The following ZNF181 variants were observed in gnomAD, a reference collection of about 807,000 sequenced individuals.
The protein encoded by ZNF181 is zinc finger protein 181 (HHZ181).
In ZNF181, 8 loss-of-function variants were observed where a neutral mutation model predicts 11.9. The ratio of observed to expected loss-of-function variants is 0.67; its 90% CI spans 0.39 to 1.21. ZNF181 has a LOEUF of 1.21. Among genes scored for constraint, ZNF181 ranks in the 50% most tolerant of loss-of-function variants. ZNF181 has a pLI of 0.01. For synonymous variants in ZNF181, 202 were observed against 221.1 expected, an observed-to-expected ratio of 0.91 and a Z score of 0.77; for missense variants, 542 against 670.9, an observed-to-expected ratio of 0.81 and a Z score of 2.12.
At position 34,741,003 on chromosome 19, in the gene ZNF181, A is replaced by C. The variant is rs1469264821; in HGVS notation, c.622A>C (p.Lys208Gln). The part of the protein sequence containing the change: ...IKNEKVNGGK[K>Q]LLNSNKSGAA... ...AAATGAGAAAGTCAATGGTGGAAAGAAACTTTTGAATTCTAATAAAAGTGG... is the reference window on the plus strand; with the variant it reads ...AAATGAGAAAGTCAATGGTGGAAAGCAACTTTTGAATTCTAATAAAAGTGG... The change falls in exon 4 of 4, where the codon AAA becomes CAA. Residue 208 changes from lysine (K) to glutamine (Q), a missense_variant. Lys to Gln is a moderately conservative substitution (Grantham distance 53). Coordinates refer to ENST00000492450, the MANE Select transcript of ZNF181 (RefSeq NM_001029997.4). 1.9e-6 allele frequency: 3 copies of C among 1,614,190 alleles called. No homozygotes were observed. The South Asian group carries it at 3.3e-5, about 18-fold the overall frequency.
chr19:34,742,343 C>A lies in ZNF181; in HGVS notation c.*246C>A. ...ACTCACACTAGGATAAAACCCTGTACATGTAGCAAATGTGGGAAAGACTAC... is the reference window on the plus strand; with the variant it reads ...ACTCACACTAGGATAAAACCCTGTAAATGTAGCAAATGTGGGAAAGACTAC... On this transcript the variant is annotated 3_prime_UTR_variant, in exon 4 of 4. Coordinates refer to ENST00000492450, the MANE Select transcript of ZNF181 (RefSeq NM_001029997.4). 2 of 274,034 alleles carry A rather than the reference C, an allele frequency of 7.3e-6. No individual in the cohort carries two copies. Among genetic ancestry groups the A allele is most frequent in the East Asian group, 6.3e-5 (1 of 15,806 alleles). 17.0% of individuals were successfully genotyped at this position (274,034 alleles called of 1,614,324 possible).
chr19:34,739,442 A>C, intron 2 of ZNF181, 81 bp from the exon 3 acceptor site: 2 of 1,588,750 alleles, frequency 1.3e-6, no homozygotes, highest in Non-Finnish European at 1.7e-6. Flanking sequence ...AATACCCTTC[A>C]TCCCTTCCTG....
Position 34,740,637 on chromosome 19 carries a change from G to A in ZNF181, c.256G>A (p.Glu86Lys), listed in dbSNP as rs2068954568. Residue 86 changes from glutamate (E) to lysine (K), a missense_variant, in exon 4 of 4, where the codon GAA becomes AAA. Transcript: ENST00000492450. ...PDWESRWENK[E>K]LSTKKDNYDE... ...TTGGGAATCAAGATGGGAAAACAAG[G>A]AATTATCAACAAAGAAGGATAATTA... is the stretch of plus-strand genomic sequence containing the variant. 1 of 1,571,756 alleles carries A rather than the reference G, an allele frequency of 6.4e-7. No individual in the cohort carries two copies. Among genetic ancestry groups the A allele is most frequent in the African/African-American group, 1.4e-5 (1 of 73,074 alleles).
At position 34,744,914 on chromosome 19, in the gene ZNF181, A is replaced by G. The variant is rs555118520; in HGVS notation, c.*2817A>G. On this transcript the variant is annotated 3_prime_UTR_variant, in exon 4 of 4. Coordinates refer to ENST00000492450, the MANE Select transcript of ZNF181 (RefSeq NM_001029997.4). ...TTGTTATGAGAGGATTCATCGAAAT[A>G]CCTGTGCTTTGTCATTTAAAAAGCA... 7.2e-5 allele frequency: 11 copies of G among 152,308 alleles called. No homozygotes were observed. Among genetic ancestry groups the G allele is most frequent in the African/African-American group, 2.4e-4 (10 of 41,558 alleles). The allele number at this position is 152,308 out of a possible 1,614,324, so 9.4% of individuals were successfully genotyped here. A position where few individuals can be genotyped will look rare whatever the true frequency, so the allele number is the denominator to read the frequency against.
chr19:34,736,271 G>C, intron 1 of ZNF181: 1 of 671,976 alleles, frequency 1.5e-6, no homozygotes, highest in South Asian at 1.6e-5. Context: ...AATTAGAATT[G>C]AAAAACTGGT....
rs1181945605 is a variant in ZNF181 at position 34,744,160 on chromosome 19, G to A, written c.*2063G>A. The A allele has an allele frequency of 1.3e-5, 2 of 152,190 alleles. No homozygotes were observed. Among genetic ancestry groups the A allele is most frequent in the East Asian group, 1.9e-4 (1 of 5,198 alleles). The allele number at this position is 152,190 out of a possible 1,614,324, so 9.4% of individuals were successfully genotyped here. ...TAAGGTTTCTGACTTTCAACAAAAT[G>A]TATCTCCTCTGATATATGTGCTACC... is the stretch of plus-strand genomic sequence containing the variant. On this transcript the variant is annotated 3_prime_UTR_variant, in exon 4 of 4. Coordinates refer to ENST00000492450, the MANE Select transcript of ZNF181 (RefSeq NM_001029997.4).
chr19:34,740,113 C>T (rs563704246), intron 3 of ZNF181, among the ~76,000 whole-genome samples: 2 of 152,292 alleles, frequency 1.3e-5, no homozygotes, highest in African/African-American at 4.8e-5. Flanking sequence ...TTCATAACTT[C>T]AGAAAGCCTA....
Position 34,734,937 on chromosome 19 carries a change from T to A in ZNF181, c.-101T>A, listed in dbSNP as rs1226735790. ...GCCGCAAGATAAGCCTGATTTTTCA[T>A]GACTGCTTTTTCCTGCCCTTCTGTG... On this transcript the variant is annotated 5_prime_UTR_variant, in exon 1 of 4. The change abolishes an upstream ATG in the 5' untranslated region. Coordinates refer to ENST00000492450, the MANE Select transcript of ZNF181 (RefSeq NM_001029997.4). 4.6e-6 allele frequency: 6 copies of A among 1,297,716 alleles called. No individual in the cohort carries two copies. The highest frequency in any genetic ancestry group is 6.4e-6 in the Non-Finnish European group (6 of 934,210). 80.4% of individuals were successfully genotyped at this position (1,297,716 alleles called of 1,614,324 possible).
intron 1 of ZNF181, among the ~76,000 whole-genome samples, chr19:34,737,556 T>C (rs2068905643): frequency 6.6e-6 from 1 of 152,256 alleles, no homozygotes; most frequent in African/African-American, 2.4e-5. Context: ...ATGAGTACTA[T>C]TGAAAGGAAT....
rs763284815 is a variant in ZNF181 at position 34,739,306 on chromosome 19, C to G, written c.130+38C>G. On this transcript the variant is annotated intron_variant, in intron 2 of 3. Transcript: ENST00000492450. ...CCCCTTCCACTCCAGTAGGGGACAC[C>G]TTTCTTTTGCCACCCTGAATTGCTG... is the stretch of plus-strand genomic sequence containing the variant. 5 of 1,607,830 alleles carry G rather than the reference C, an allele frequency of 3.1e-6. No individual in the cohort carries two copies. In the East Asian group the frequency reaches 6.7e-5, roughly 22 times the overall value.
intron 1 of ZNF181, chr19:34,736,188 A>G (rs2068886324): frequency 1.4e-6 from 1 of 702,980 alleles, no homozygotes; most frequent in Non-Finnish European, 2.6e-6. Flanking sequence ...TGGAAGGTGA[A>G]GCTTGCATAG....
Position 34,739,755 on chromosome 19 carries a change from G to A in ZNF181, c.229+134G>A, listed in dbSNP as rs2068941236. On this transcript the variant is annotated intron_variant, in intron 3 of 3. Coordinates refer to ENST00000492450, the MANE Select transcript of ZNF181 (RefSeq NM_001029997.4). ...AGATCTCAGATAGAAATGAAAAATT[G>A]TGGGATATTTAGCTTAGATTTTCAA... is the stretch of plus-strand genomic sequence containing the variant. 9 of 919,602 alleles carry A rather than the reference G, an allele frequency of 9.8e-6. No homozygotes were observed. In the South Asian group the frequency reaches 1.5e-4, roughly 16 times the overall value. The allele number at this position is 919,602 out of a possible 1,614,324, so 57.0% of individuals were successfully genotyped here. A position where few individuals can be genotyped will look rare whatever the true frequency, so the allele number is the denominator to read the frequency against.
intron 3 of ZNF181, among the ~76,000 whole-genome samples, chr19:34,739,877 C>G (rs2068943174): frequency 6.6e-6 from 1 of 152,148 alleles, no homozygotes; most frequent in South Asian, 2.1e-4. Flanking sequence ...AATTGTTACT[C>G]TATTCATAAC....
At chr19:34,738,801 A>G (rs760735944) in intron 1 of ZNF181, among the ~76,000 whole-genome samples, 1 of 152,222 alleles carries the variant, frequency 6.6e-6, no homozygotes, top group Non-Finnish European at 1.5e-5. Flanking sequence ...TGTAAAAGAT[A>G]TAACTAAATA....
chr19:34,737,449 T>C (rs1442320208), intron 1 of ZNF181, among the ~76,000 whole-genome samples: 1 of 152,220 alleles, frequency 6.6e-6, no homozygotes, highest in Non-Finnish European at 1.5e-5. Context: ...CTGTATTAAA[T>C]AGATGTATTT....
In ZNF181 at chr19:34,744,196, G is replaced by A. The variant is rs1167632763; in HGVS notation, c.*2099G>A. The A allele has an allele frequency of 1.3e-5, 2 of 152,162 alleles. No individual in the cohort carries two copies. The highest frequency in any genetic ancestry group is 4.8e-5 in the African/African-American group (2 of 41,448). 9.4% of individuals were successfully genotyped at this position (152,162 alleles called of 1,614,324 possible). A position where few individuals can be genotyped will look rare whatever the true frequency, so the allele number is the denominator to read the frequency against. Reference sequence around the variant, plus strand: ...GATATATGTGCTACCTTAACAGAAAGCCAAAGCACAGAGGCATATTCCAAT... The same window carrying A: ...GATATATGTGCTACCTTAACAGAAAACCAAAGCACAGAGGCATATTCCAAT... On this transcript the variant is annotated 3_prime_UTR_variant, in exon 4 of 4. Transcript: ENST00000492450.
At chr19:34,739,342 T>G in intron 2 of ZNF181, 74 bp downstream of exon 2, 1 of 1,595,686 alleles carries the variant, frequency 6.3e-7, no homozygotes, top group Non-Finnish European at 8.5e-7. Flanking sequence ...GAGACCCTCC[T>G]AAGTAAATGG....
rs1375212440 is a variant in ZNF181 at position 34,741,685 on chromosome 19, G to A, written c.1304G>A (p.Cys435Tyr). 1.2e-6 allele frequency: 2 copies of A among 1,613,798 alleles called. No homozygotes were observed. Among genetic ancestry groups the A allele is most frequent in the Non-Finnish European group, 1.7e-6 (2 of 1,179,814 alleles). ...SIHTEEKPFE[C>Y]QKCRKSFNQL... Reference sequence around the variant, plus strand: ...CATACTGAAGAAAAACCCTTTGAATGTCAGAAATGCAGGAAATCCTTCAAC... The same window carrying A: ...CATACTGAAGAAAAACCCTTTGAATATCAGAAATGCAGGAAATCCTTCAAC... The change falls in exon 4 of 4, where the codon TGT (cysteine) becomes TAT (tyrosine). Residue 435 changes from cysteine to tyrosine, a missense_variant. Coordinates refer to ENST00000492450, the MANE Select transcript of ZNF181 (RefSeq NM_001029997.4).
chr19:34,739,794 C>G (rs923865750), intron 3 of ZNF181, among the ~76,000 whole-genome samples, 173 bp downstream of exon 3: 3 of 152,196 alleles, frequency 2.0e-5, no homozygotes, highest in Non-Finnish European at 4.4e-5. Flanking sequence ...AATTGTTCCT[C>G]TATCCCAAAT....
Sources: allele counts gnomAD v4.1 joint callset (sites outside exome capture counted in the v4.1 genomes callset), GRCh38; gene constraint gnomAD v4.1.1; transcripts MANE v1.5; gene names NCBI Gene and HGNC (gene_info 2026-07-23, HGNC 2026-07-21).